The following VPS13D variants were observed in gnomAD, a reference collection of about 807,000 sequenced individuals.
The protein encoded by VPS13D is intermembrane lipid transfer protein VPS13D.
Under a neutral mutation model 461.9 loss-of-function variants are expected in VPS13D, and 187 were observed. The observed-to-expected ratio is 0.40, with a 90% confidence interval of 0.36 to 0.46. The LOEUF (loss-of-function observed/expected upper bound fraction) is 0.46. Ranked by LOEUF, VPS13D falls within the 20% of genes least tolerant of loss-of-function variation. VPS13D has a pLI of 0.60. For missense variants in VPS13D, 4,711 were observed against 5,364.9 expected, an observed-to-expected ratio of 0.88 and a Z score of 3.81; for synonymous variants, 1,951 against 1,986.3, an observed-to-expected ratio of 0.98 and a Z score of 0.47.
At position 12,277,349 on chromosome 1, in the gene VPS13D, T is replaced by C. The variant is rs774065958; in HGVS notation, c.3761T>C (p.Phe1254Ser). The C allele has an allele frequency of 1.4e-5, 22 of 1,614,102 alleles. No homozygotes were observed. In the South Asian group the frequency reaches 2.4e-4, roughly 18 times the overall value. ...AATATCATCAGTGATATTGGCTACT[T>C]TGAATCTGTGTTTGTCAGAATGGAA... ...YENIISDIGY[F>S]ESVFVRMEDA... The change falls in exon 19 of 70, where the codon TTT becomes TCT. Residue 1254 changes from phenylalanine to serine, a missense_variant. Coordinates refer to ENST00000620676, the MANE Select transcript of VPS13D (RefSeq NM_015378.4).
intron 65 of VPS13D, among the ~76,000 whole-genome samples, chr1:12,421,011 C>T (rs1644855675): frequency 6.6e-6 from 1 of 152,120 alleles, no homozygotes; most frequent in African/African-American, 2.4e-5. Context: ...CCAGAGCGTT[C>T]CTGCAAAAGA....
At chr1:12,289,165 G>A (rs1291607837) in intron 22 of VPS13D, among the ~76,000 whole-genome samples, 2 of 152,080 alleles carry the variant, frequency 1.3e-5, no homozygotes, top group South Asian at 2.1e-4. Flanking sequence ...ATGGGACTTT[G>A]TAAGTTAAAA....
At position 12,396,029 on chromosome 1, in the gene VPS13D, A is replaced by ATATATATATATATT. The variant is rs1553187933; in HGVS notation, c.11635-4152_11635-4151insTATATATATATATT. Among the ~76,000 whole-genome samples the ATATATATATATATT allele has an allele frequency of 8.9e-3, 1,068 of 119,692 alleles. 67 individuals carry two copies. The highest frequency in any genetic ancestry group is 0.027 in the African/African-American group (697 of 26,080). The allele number at this position is 119,692 out of a possible 152,430, so 78.5% of individuals were successfully genotyped here. A position where few individuals can be genotyped will look rare whatever the true frequency, so the allele number is the denominator to read the frequency against. Reference sequence around the variant, plus strand: ...TATATATATATATATATATATATATAGTTCTTTAAGATCAATAAAATTAAT... The same window carrying ATATATATATATATT: ...TATATATATATATATATATATATATATATATATATATATTGTTCTTTAAGATCAATAAAATTAAT... On this transcript the variant is annotated intron_variant, in intron 60 of 69. Coordinates refer to ENST00000620676, the MANE Select transcript of VPS13D (RefSeq NM_015378.4).
At chr1:12,260,634 G>A (rs1427546273) in intron 10 of VPS13D, 59 bp from the exon 11 acceptor site, 3 of 1,456,734 alleles carry the variant, frequency 2.1e-6, no homozygotes, top group Non-Finnish European at 2.9e-6. Flanking sequence ...GGTGTCCAGT[G>A]TCTCTGGATC....
chr1:12,508,625 G>A (rs934261937), intron 69 of VPS13D, among the ~76,000 whole-genome samples: 2 of 150,676 alleles, frequency 1.3e-5, no homozygotes, highest in South Asian at 2.1e-4. Flanking sequence ...CAGGAGAATC[G>A]CTTGAACCCG....
chr1:12,500,059 T>G, intron 68 of VPS13D: 1 of 985,434 alleles, frequency 1.0e-6, no homozygotes, highest in Non-Finnish European at 1.2e-6. Flanking sequence ...AGGCTCACTG[T>G]TTCACTTCTG....
Position 12,299,304 on chromosome 1 carries a change from G to T in VPS13D, c.6136G>T (p.Val2046Leu). 1.2e-6 allele frequency: 2 copies of T among 1,613,874 alleles called. No homozygotes were observed. Among genetic ancestry groups the T allele is most frequent in the Non-Finnish European group, 1.7e-6 (2 of 1,179,958 alleles). Residue 2046 changes from valine to leucine, a missense_variant, in exon 25 of 70, where the codon GTA (valine) becomes TTA (leucine). Physicochemically the swap from Val to Leu is conservative, Grantham distance 32. Around this residue, in one of 3 missense-constraint regions of VPS13D, gnomAD observed 4,411 missense variants for 4,937.8 expected, o/e 0.89. Coordinates refer to ENST00000620676, the MANE Select transcript of VPS13D (RefSeq NM_015378.4). The surrounding 1 kb of genome is among the most constrained non-coding windows in gnomAD (Gnocchi z 4.2). ...PESSRSNNLI[V>L]ANLGKLKVKN... ...AAGTTCCAGATCAAATAATCTGATT[G>T]TAGCAAATTTGGGGAAGTTGAAAGT...
chr1:12,339,856 T>C (rs1643529954), intron 40 of VPS13D, among the ~76,000 whole-genome samples: 1 of 152,318 alleles, frequency 6.6e-6, no homozygotes. Flanking sequence ...GTGAATATAT[T>C]TGTATGGATT....
At chr1:12,449,986 G>C (rs941585800) in intron 65 of VPS13D, among the ~76,000 whole-genome samples, 2 of 152,092 alleles carry the variant, frequency 1.3e-5, no homozygotes, top group Non-Finnish European at 2.9e-5. Flanking sequence ...TTAGCCAGGC[G>C]TGGTGGCACA....
chr1:12,233,770 G>A (rs1203795020), intron 1 of VPS13D, among the ~76,000 whole-genome samples: 15 of 152,176 alleles, frequency 9.9e-5, no homozygotes, highest in East Asian at 7.7e-4. Flanking sequence ...ATCTGCAGCC[G>A]GGCGCAGTGG....
At chr1:12,350,157 A>C (rs1431082643) in intron 46 of VPS13D, among the ~76,000 whole-genome samples, 4 of 152,216 alleles carry the variant, frequency 2.6e-5, no homozygotes. Flanking sequence ...AAATCAATAA[A>C]TATGTAAAAG....
rs778800890 is a variant in VPS13D at position 12,385,246 on chromosome 1, T to C, written c.11371-14T>C. 3.1e-6 allele frequency: 5 copies of C among 1,607,348 alleles called. No individual in the cohort carries two copies. Among genetic ancestry groups the C allele is most frequent in the Admixed American group, 3.3e-5 (2 of 59,794 alleles). ...GAGTGAATCATCTTCTTGTGGTGTT[T>C]TATTTGACTTCAGATAACAGATTTC... On this transcript the variant is annotated splice_polypyrimidine_tract_variant and intron_variant, in intron 58 of 69. Coordinates refer to ENST00000620676, the MANE Select transcript of VPS13D (RefSeq NM_015378.4).
chr1:12,354,258 T>C, intron 47 of VPS13D, 37 bp downstream of exon 47: 1 of 1,605,544 alleles, frequency 6.2e-7, no homozygotes, highest in Non-Finnish European at 8.5e-7. Flanking sequence ...GTCATAATCC[T>C]ATGAAAATAT....
At chr1:12,383,224 A>T (rs893902870) in intron 58 of VPS13D, 69 bp downstream of exon 58, 12 of 1,447,368 alleles carry the variant, frequency 8.3e-6, no homozygotes, top group Non-Finnish European at 1.1e-5. Context: ...TACTCATTTA[A>T]CAAATACTTA....
Position 12,330,993 on chromosome 1 carries a change from C to T in VPS13D, c.8287+1075C>T, listed in dbSNP as rs535319605. On this transcript the variant is annotated intron_variant, in intron 37 of 69. Transcript: ENST00000620676. ...CCTAGAAAAAACAAAAACAAACAAA[C>T]GAAAAACCACTGCTGATCAGAGCAG... Among the ~76,000 whole-genome samples, 15 of 152,292 alleles carry T rather than the reference C, an allele frequency of 9.8e-5. No individual in the cohort carries two copies. In the East Asian group the frequency reaches 2.7e-3, roughly 27 times the overall value.
At chr1:12,404,271 G>T (rs541516637) in intron 63 of VPS13D, among the ~76,000 whole-genome samples, 2 of 151,860 alleles carry the variant, frequency 1.3e-5, no homozygotes, top group Admixed American at 1.3e-4. Flanking sequence ...TCTCTGTTTA[G>T]CTCCTGGCTT....
Position 12,261,978 on chromosome 1 carries a change from A to C in VPS13D, c.1492A>C (p.Lys498Gln), listed in dbSNP as rs1166961029. ...TYTKRDHVFA[K>Q]LNLQLQRGTV... ...TACAAAGCGAGATCATGTCTTTGCC[A>C]AACTGAATTTGCAGTTGCAGCGAGG... Residue 498 changes from lysine to glutamine, a missense_variant, in exon 13 of 70, where the codon AAA becomes CAA. By Grantham distance (53) the Lys-to-Gln change is moderately conservative. Coordinates refer to ENST00000620676, the MANE Select transcript of VPS13D (RefSeq NM_015378.4). The C allele has an allele frequency of 6.2e-7, 1 of 1,614,208 alleles. No homozygotes were observed. The highest frequency in any genetic ancestry group is 8.5e-7 in the Non-Finnish European group (1 of 1,180,020).
intron 3 of VPS13D, 73 bp downstream of exon 3, chr1:12,242,663 G>C: frequency 7.4e-7 from 1 of 1,353,868 alleles, no homozygotes; most frequent in Non-Finnish European, 1.1e-6. Flanking sequence ...GAGAGCCCTG[G>C]AGTTTGTATT....
chr1:12,276,593 G>A lies in VPS13D; in HGVS notation c.3005G>A (p.Gly1002Asp). The part of the protein sequence containing the change: ...YDAEVSLTVH[G>D]LLLVDTMQTY... Reference sequence around the variant, plus strand: ...GCTGAAGTCTCCCTAACTGTTCATGGTTTGCTCCTGGTGGATACCATGCAG... The same window carrying A: ...GCTGAAGTCTCCCTAACTGTTCATGATTTGCTCCTGGTGGATACCATGCAG... Residue 1002 changes from glycine to aspartate, a missense_variant, in exon 19 of 70, where the codon GGT becomes GAT. Gly to Asp is a moderately conservative substitution (Grantham distance 94). Around this residue, in one of 3 missense-constraint regions of VPS13D, gnomAD observed 4,411 missense variants for 4,937.8 expected, o/e 0.89. Transcript: ENST00000620676. This position sits in a 1 kb window ranked among gnomAD's most constrained non-coding sequence, Gnocchi z 4.5. The A allele has an allele frequency of 2.5e-6, 4 of 1,614,154 alleles. No individual in the cohort carries two copies. In the South Asian group the frequency reaches 4.4e-5, roughly 18 times the overall value.
Sources: gnomAD v4.1 joint callset for allele counts (sites outside exome capture counted in the v4.1 genomes callset) on GRCh38, gnomAD v4.1.1 for gene constraint, gnomAD v4.1.1 regional missense constraint, Gnocchi (gnomAD v3.1) non-coding constraint, MANE v1.5 for transcripts, NCBI Gene and HGNC (gene_info 2026-07-23, HGNC 2026-07-21) for gene names.